The following EPB41 variants were observed in gnomAD, a reference collection of about 807,000 sequenced individuals.
EPB41 encodes erythrocyte membrane protein band 4.1.
EPB41 carries 65 observed loss-of-function variants against 108.0 expected under a neutral mutation model. The observed-to-expected ratio is 0.60, with a 90% CI of 0.49 to 0.74. EPB41 has a LOEUF of 0.74. EPB41 is among the 30% of genes least tolerant of loss of function. EPB41 has a pLI of 0.00. For synonymous variants in EPB41, 336 were observed against 358.9 expected, an observed-to-expected ratio of 0.94 and a Z score of 0.72; for missense variants, 875 against 1,037.0, an observed-to-expected ratio of 0.84 and a Z score of 2.15.
intron 4 of EPB41, among the ~76,000 whole-genome samples, chr1:28,998,896 A>T (rs1265230662): frequency 6.6e-6 from 1 of 152,246 alleles, no homozygotes; most frequent in East Asian, 1.9e-4. Flanking sequence ...AAATCATAAC[A>T]TCACTTTCTG....
chr1:28,965,574 A>G (rs930361401), intron 1 of EPB41, among the ~76,000 whole-genome samples: 1 of 152,136 alleles, frequency 6.6e-6, no homozygotes, highest in Non-Finnish European at 1.5e-5. Flanking sequence ...ATTGAAACAC[A>G]CACAACCTCA....
rs144079520 is a variant in EPB41, at chr1:29,013,273, C to T, written c.829+1366C>T. Among the ~76,000 whole-genome samples the T allele has an allele frequency of 3.7e-3, 563 of 150,778 alleles. 6 individuals carry two copies. Among genetic ancestry groups the T allele is most frequent in the African/African-American group, 0.013 (523 of 41,092 alleles). On this transcript the variant is annotated intron_variant, in intron 5 of 20. Coordinates refer to ENST00000343067, the MANE Select transcript of EPB41 (RefSeq NM_001376013.1). ...CAGGGAGTCGGAGGTGGCAGTGAGC[C>T]GAGATCGCGCCACTGCACTCCAGCC...
intron 16 of EPB41, chr1:29,070,332 C>T: frequency 1.6e-6 from 2 of 1,224,568 alleles, no homozygotes; most frequent in Non-Finnish European, 2.0e-6. Context: ...TCATCTTATT[C>T]TGTCTTTCTT....
chr1:29,042,073 A>G (rs1641740470), intron 11 of EPB41, among the ~76,000 whole-genome samples: 1 of 152,230 alleles, frequency 6.6e-6, no homozygotes, highest in Admixed American at 6.5e-5. Flanking sequence ...CCCTCTCATG[A>G]GATATGTAGA....
intron 10 of EPB41, among the ~76,000 whole-genome samples, chr1:29,036,508 G>A (rs1310856423): frequency 1.3e-5 from 2 of 151,960 alleles, no homozygotes; most frequent in South Asian, 2.1e-4. Context: ...TGATCCACTT[G>A]CCTTGGCCTC....
intron 1 of EPB41, among the ~76,000 whole-genome samples, chr1:28,917,404 C>T (rs2092761926): frequency 6.6e-6 from 1 of 152,104 alleles, no homozygotes; most frequent in Non-Finnish European, 1.5e-5. Context: ...GCTCAGGCTC[C>T]CAAGTAGCTG....
At chr1:28,997,793 A>G (rs2096215546) in intron 4 of EPB41, among the ~76,000 whole-genome samples, 1 of 152,168 alleles carries the variant, frequency 6.6e-6, no homozygotes, top group African/African-American at 2.4e-5. Flanking sequence ...TATTATTGAA[A>G]CGGTCATAAC....
intron 4 of EPB41, among the ~76,000 whole-genome samples, chr1:29,010,456 A>T (rs947260443): frequency 1.3e-5 from 2 of 152,152 alleles, no homozygotes; most frequent in East Asian, 1.9e-4. Context: ...TATAATTCTT[A>T]TATGTTCACT....
chr1:28,981,432 T>C (rs1021610530), intron 1 of EPB41, among the ~76,000 whole-genome samples: 3 of 152,240 alleles, frequency 2.0e-5, no homozygotes, highest in Non-Finnish European at 4.4e-5. Context: ...AAAAAGCAGC[T>C]ATTCGTGGTG....
intron 4 of EPB41, among the ~76,000 whole-genome samples, chr1:29,008,192 C>T (rs2096440458): frequency 6.6e-6 from 1 of 152,166 alleles, no homozygotes; most frequent in Admixed American, 6.5e-5. Flanking sequence ...TTATTCTTTA[C>T]CACTATACCT....
At chr1:29,013,215 C>T (rs1163353574) in intron 5 of EPB41, among the ~76,000 whole-genome samples, 5 of 151,816 alleles carry the variant, frequency 3.3e-5, no homozygotes, top group African/African-American at 7.3e-5. Context: ...ATCCCAGCTA[C>T]GCAGGAGGCT....
intron 1 of EPB41, among the ~76,000 whole-genome samples, chr1:28,958,688 A>G (rs1054426362): frequency 5.4e-5 from 8 of 149,320 alleles, no homozygotes; most frequent in Non-Finnish European, 1.5e-5. Context: ...GGCATGTGGC[A>G]TGCACTTGTG....
chr1:28,935,521 T>A (rs369299422), intron 1 of EPB41, among the ~76,000 whole-genome samples: 62 of 142,768 alleles, frequency 4.3e-4, no homozygotes, highest in African/African-American at 1.5e-3. Flanking sequence ...TTAGTTGATC[T>A]TCTTCCCTCT....
At chr1:28,990,928 C>T (rs934684794) in intron 2 of EPB41, among the ~76,000 whole-genome samples, 1 of 151,842 alleles carries the variant, frequency 6.6e-6, no homozygotes, top group African/African-American at 2.4e-5. Flanking sequence ...ATAAATTGTC[C>T]GTAGGTTATT....
intron 17 of EPB41, among the ~76,000 whole-genome samples, chr1:29,107,590 G>GAGCT (rs1385681311): frequency 6.6e-6 from 1 of 152,006 alleles, no homozygotes; most frequent in Non-Finnish European, 1.5e-5. Context: ...GTGGCTCAAA[G>GAGCT]AGCTGTAATC....
intron 17 of EPB41, among the ~76,000 whole-genome samples, chr1:29,102,430 C>G (rs12045750): frequency 6.6e-6 from 1 of 151,904 alleles, no homozygotes; most frequent in African/African-American, 2.4e-5. Context: ...AAAAACAAAA[C>G]AAAAAACCAA....
At chr1:28,947,412 AACAAACAAAC>A (rs1557772957) in intron 1 of EPB41, among the ~76,000 whole-genome samples, 2 of 5,372 alleles carry the variant, frequency 3.7e-4, no homozygotes, top group African/African-American at 2.4e-3. Context: ...GTCTCAGACA[AACAAACAAAC>A]AAACAAACAA....
chr1:29,034,644 A>G (rs546268924), intron 9 of EPB41, among the ~76,000 whole-genome samples: 39 of 152,322 alleles, frequency 2.6e-4, no homozygotes, highest in Non-Finnish European at 2.8e-4. Flanking sequence ...AAGAGGCAAG[A>G]GGTCAGCAGG....
At position 29,111,327 on chromosome 1, in the gene EPB41, A is replaced by G. The variant is rs1160852135; in HGVS notation, c.2416-1041A>G. On this transcript the variant is annotated intron_variant, in intron 18 of 20. Coordinates refer to ENST00000343067, the MANE Select transcript of EPB41 (RefSeq NM_001376013.1). Reference sequence around the variant, plus strand: ...GAGGAAGAAAAAGGAGAAAGTAAATACAGAATTGTGACTTTCTGTTTAGCT... The same window carrying G: ...GAGGAAGAAAAAGGAGAAAGTAAATGCAGAATTGTGACTTTCTGTTTAGCT... 2.0e-5 allele frequency among the ~76,000 whole-genome samples: 3 copies of G among 152,158 alleles called. No individual in the cohort carries two copies. The East Asian group carries it at 5.8e-4, about 29-fold the overall frequency.
Sources: allele counts gnomAD v4.1 joint callset (sites outside exome capture counted in the v4.1 genomes callset), GRCh38; gene constraint gnomAD v4.1.1; transcripts MANE v1.5; gene names NCBI Gene and HGNC (gene_info 2026-07-23, HGNC 2026-07-21).